SVOP: variants seen among roughly 807,000 people sequenced by gnomAD.
SVOP encodes the protein SV2 related protein.
Under a neutral mutation model 69.1 loss-of-function variants are expected in SVOP, and 17 were observed. That is an observed-to-expected ratio of 0.25 (90% CI 0.17 to 0.37). The LOEUF is 0.37. SVOP is among the 10% of genes least tolerant of loss of function. SVOP has a pLI of 1.00. For missense variants in SVOP, 435 were observed against 597.5 expected (o/e 0.73, Z 2.84); for synonymous variants, 238 against 238.6 (o/e 1.00, Z 0.02).
Position 109,021,066 on chromosome 12 carries a change from A to G in SVOP, c.-198T>C. The G allele has an allele frequency of 1.8e-6, 1 of 566,362 alleles. No homozygotes were observed. The highest frequency in any genetic ancestry group is 3.2e-5 in the Admixed American group (1 of 30,832). The allele number at this position is 566,362 out of a possible 1,614,324, so 35.1% of individuals were successfully genotyped here. The stretch of plus-strand genomic sequence containing the variant: ...TCCGCCGCCAGGAGACCGCGGCGAG[A>G]GTGGGCGGAGAAGAGGAGGCGGAGG... On this transcript the variant is annotated 5_prime_UTR_variant, in exon 1 of 16. Transcript: ENST00000610966.
intron 6 of SVOP, among the ~76,000 whole-genome samples, chr12:108,951,397 A>T (rs1401225223): frequency 6.6e-6 from 1 of 152,240 alleles, no homozygotes; most frequent in African/African-American, 2.4e-5. Flanking sequence ...ACGGGGCAAT[A>T]ACAGGTGATT....
At chr12:108,989,308 C>T (rs540759537) in intron 1 of SVOP, among the ~76,000 whole-genome samples, 66 of 152,192 alleles carry the variant, frequency 4.3e-4, no homozygotes, top group Non-Finnish European at 7.6e-4. Flanking sequence ...CTCTTGGCCT[C>T]AAGCCATCCT....
intron 11 of SVOP, among the ~76,000 whole-genome samples, chr12:108,931,909 T>G (rs1346414959): frequency 1.3e-5 from 2 of 152,138 alleles, no homozygotes; most frequent in Non-Finnish European, 2.9e-5. Context: ...TCCTCAAACT[T>G]AATGTGCACA....
At chr12:108,941,001 G>T in intron 7 of SVOP, 92 bp from the exon 8 acceptor site, 1 of 1,461,960 alleles carries the variant, frequency 6.8e-7, no homozygotes. Context: ...TATCTCTGTG[G>T]GTAAGGGGTC....
At chr12:108,973,890 A>C (rs569917089) in intron 4 of SVOP, among the ~76,000 whole-genome samples, 2 of 152,186 alleles carry the variant, frequency 1.3e-5, no homozygotes, top group Non-Finnish European at 2.9e-5. Flanking sequence ...CAGAAGGGGC[A>C]CTGATGATGC....
chr12:109,008,049 A>G (rs1207388905), intron 1 of SVOP, among the ~76,000 whole-genome samples: 1 of 146,050 alleles, frequency 6.8e-6, no homozygotes, highest in Non-Finnish European at 1.5e-5. Context: ...AAAAAAAAAA[A>G]TCTCCAGTTT....
chr12:108,975,144 A>G (rs375235851), intron 4 of SVOP, among the ~76,000 whole-genome samples: 2 of 152,220 alleles, frequency 1.3e-5, no homozygotes, highest in Non-Finnish European at 1.5e-5. Context: ...ATATTCTTAC[A>G]TCCTCAAAGA....
chr12:109,010,819 G>A (rs1018287028), intron 1 of SVOP, among the ~76,000 whole-genome samples: 4 of 151,834 alleles, frequency 2.6e-5, no homozygotes. Flanking sequence ...TTCCCCTTAA[G>A]TCACTGAAAC....
intron 1 of SVOP, among the ~76,000 whole-genome samples, chr12:108,993,861 G>A (rs2040216842): frequency 6.6e-6 from 1 of 152,162 alleles, no homozygotes; most frequent in African/African-American, 2.4e-5. Context: ...TCCCAGGAAG[G>A]AAGGACATGA....
chr12:108,977,599 C>A, intron 3 of SVOP, 103 bp from the exon 4 acceptor site: 1 of 724,122 alleles, frequency 1.4e-6, no homozygotes, highest in East Asian at 2.8e-5. Flanking sequence ...GCACACCCCT[C>A]TCTACCCATT....
intron 1 of SVOP, among the ~76,000 whole-genome samples, chr12:109,010,362 A>C (rs1185185293): frequency 6.6e-6 from 1 of 152,134 alleles, no homozygotes; most frequent in Non-Finnish European, 1.5e-5. Flanking sequence ...TAATTCTTTT[A>C]GACAGCCCAG....
intron 1 of SVOP, among the ~76,000 whole-genome samples, chr12:109,005,255 C>T (rs2040299499): frequency 6.6e-6 from 1 of 152,140 alleles, no homozygotes; most frequent in Non-Finnish European, 1.5e-5. Flanking sequence ...AATCCCCTAC[C>T]CACACCATTC....
At chr12:108,938,296 C>T (rs1282623731) in intron 9 of SVOP, among the ~76,000 whole-genome samples, 2 of 152,148 alleles carry the variant, frequency 1.3e-5, no homozygotes, top group Non-Finnish European at 2.9e-5. Flanking sequence ...TCTTTTCTCC[C>T]CATGTGTGCA....
chr12:108,989,146 T>C (rs530208142), intron 1 of SVOP, among the ~76,000 whole-genome samples: 1 of 152,046 alleles, frequency 6.6e-6, no homozygotes, highest in East Asian at 1.9e-4. Context: ...TATAGCTCCC[T>C]ACAGCCTCAA....
chr12:108,990,637 A>G (rs1164573705), intron 1 of SVOP, among the ~76,000 whole-genome samples: 2 of 151,964 alleles, frequency 1.3e-5, no homozygotes, highest in South Asian at 2.1e-4. Flanking sequence ...GTGCACATGT[A>G]CCCTAGAACT....
rs36192896 is a variant in SVOP at position 108,959,351 on chromosome 12, C to CT, written c.578+1571dup. On this transcript the variant is annotated intron_variant, in intron 6 of 15. Coordinates refer to ENST00000610966, the MANE Select transcript of SVOP (RefSeq NM_018711.5). ...ACCTGTCCAACCTCAGCTTTTAATTCTTTTTTTTTTTTTTTTTTTTGAGTC... is the reference window on the plus strand; with the variant it reads ...ACCTGTCCAACCTCAGCTTTTAATTCTTTTTTTTTTTTTTTTTTTTTGAGTC... 2.7e-3 allele frequency among the ~76,000 whole-genome samples: 285 copies of CT among 106,670 alleles called. 2 individuals carry two copies. The highest frequency in any genetic ancestry group is 0.013 in the East Asian group (49 of 3,740). The allele number at this position is 106,670 out of a possible 152,430, so 70.0% of individuals were successfully genotyped here. A position where few individuals can be genotyped will look rare whatever the true frequency, so the allele number is the denominator to read the frequency against.
chr12:109,020,723 C>T (rs887577345), intron 1 of SVOP, 111 bp downstream of exon 1: 2 of 533,344 alleles, frequency 3.7e-6, no homozygotes, highest in Middle Eastern at 3.1e-4. Flanking sequence ...GAAACAGTTC[C>T]CTTTAAATTC....
intron 1 of SVOP, among the ~76,000 whole-genome samples, chr12:109,010,851 C>G (rs960537045): frequency 1.3e-5 from 2 of 152,120 alleles, no homozygotes; most frequent in South Asian, 2.1e-4. Context: ...AGAGGTGAAG[C>G]TGGCTGGCAT....
chr12:108,919,052 G>A (rs924520676), intron 13 of SVOP, among the ~76,000 whole-genome samples: 3 of 133,744 alleles, frequency 2.2e-5, no homozygotes, highest in African/African-American at 5.4e-5. Context: ...AACCTGGGCC[G>A]GCACCCACAC....
Sources: allele counts gnomAD v4.1 joint callset (sites outside exome capture counted in the v4.1 genomes callset), GRCh38; gene constraint gnomAD v4.1.1; transcripts MANE v1.5; gene names NCBI Gene and HGNC (gene_info 2026-07-23, HGNC 2026-07-21).